Variants in P4HA3 observed in about 807,000 individuals in gnomAD.
The protein encoded by P4HA3 is prolyl 4-hydroxylase subunit alpha 3, also known as prolyl 4-hydroxylase subunit alpha-3.
A neutral mutation model predicts 66.7 loss-of-function variants in P4HA3; 60 were observed. The observed-to-expected ratio is 0.90, with a 90% CI of 0.73 to 1.12. P4HA3 has a LOEUF of 1.12. Among genes scored for constraint, P4HA3 ranks in the 50% most tolerant of loss-of-function variants. P4HA3 has a pLI of 0.00. For missense variants in P4HA3, 683 were observed against 685.8 expected, an observed-to-expected ratio of 1.00 and a Z score of 0.05; for synonymous variants, 263 against 274.6, an observed-to-expected ratio of 0.96 and a Z score of 0.42.
At position 74,311,630 on chromosome 11, in the gene P4HA3, TC is replaced by T. The variant is rs1861758854; in HGVS notation, c.-20del. 1 of 1,480,150 alleles carries T rather than the reference TC, an allele frequency of 6.8e-7. No individual in the cohort carries two copies. The highest frequency in any genetic ancestry group is 8.9e-7 in the Non-Finnish European group (1 of 1,126,328). 91.7% of individuals were successfully genotyped at this position (1,480,150 alleles called of 1,614,324 possible). On this transcript the variant is annotated 5_prime_UTR_variant, in exon 1 of 13. Coordinates refer to ENST00000331597, the MANE Select transcript of P4HA3 (RefSeq NM_182904.5). ...GACCCATAGCCAGCGCTCGCGAACT[TC>T]CCCTCAGACAGTCCTGGCCGCGCGG... is the stretch of plus-strand genomic sequence containing the variant.
Position 74,273,597 on chromosome 11 carries a change from C to T in P4HA3, c.1346G>A (p.Ser449Asn). The T allele has an allele frequency of 6.4e-7, 1 of 1,557,764 alleles. No individual in the cohort carries two copies. Among genetic ancestry groups the T allele is most frequent in the African/African-American group, 1.4e-5 (1 of 71,276 alleles). ...TCCTGACTTCATTCTGTAGAGGGGG[C>T]TGCTTGGTGACTGAGAAAAAAAAAA... ...PHFDHATSPS[S>N]PLYRMKSGNR... Residue 449 changes from serine (S) to asparagine (N), a missense_variant, in exon 10 of 13, where the codon AGC becomes AAC. Ser to Asn is a conservative substitution (Grantham distance 46). Coordinates refer to ENST00000331597, the MANE Select transcript of P4HA3 (RefSeq NM_182904.5).
At chr11:74,253,809 T>A (rs1039812072) in intron 15 of P4HA3, 19 of 530,280 alleles carry the variant, frequency 3.6e-5, no homozygotes, top group Non-Finnish European at 6.0e-5. Flanking sequence ...GCCTCCAGAT[T>A]TGCCATACTG....
intron 1 of P4HA3, among the ~76,000 whole-genome samples, chr11:74,309,506 A>G (rs1256263120): frequency 1.3e-5 from 2 of 152,204 alleles, no homozygotes; most frequent in African/African-American, 4.8e-5. Flanking sequence ...CATCTGAGCT[A>G]CCCAAAGAGA....
intron 8 of P4HA3, among the ~76,000 whole-genome samples, chr11:74,278,069 GA>G (rs1860462107): frequency 6.6e-6 from 1 of 152,162 alleles, no homozygotes; most frequent in African/African-American, 2.4e-5. Flanking sequence ...ATATAACTAA[GA>G]ACAAAGTAAG....
At chr11:74,310,836 G>C (rs555693700) in intron 1 of P4HA3, among the ~76,000 whole-genome samples, 1 of 152,320 alleles carries the variant, frequency 6.6e-6, no homozygotes, top group African/African-American at 2.4e-5. Context: ...ACTGTCACCT[G>C]ACTCCTAACA....
chr11:74,264,510 G>A (rs1226428406), downstream of P4HA3, among the ~76,000 whole-genome samples: 1 of 152,066 alleles, frequency 6.6e-6, no homozygotes, highest in Non-Finnish European at 1.5e-5. Context: ...CTCCACTCGT[G>A]GCCACATGGT....
At chr11:74,302,640 T>C in intron 2 of P4HA3, 48 bp from the exon 3 acceptor site, 1 of 1,537,560 alleles carries the variant, frequency 6.5e-7, no homozygotes, top group Non-Finnish European at 8.8e-7. Flanking sequence ...AAACAGGAGT[T>C]GGGCATTTAA....
At chr11:74,293,214 C>G (rs1327155140) in intron 4 of P4HA3, among the ~76,000 whole-genome samples, 1 of 151,900 alleles carries the variant, frequency 6.6e-6, no homozygotes, top group Admixed American at 6.6e-5. Flanking sequence ...CCTTCTTTGT[C>G]TCTTTTGATC....
downstream of P4HA3, among the ~76,000 whole-genome samples, chr11:74,262,138 T>C (rs1859916609): frequency 6.6e-6 from 1 of 152,150 alleles, no homozygotes; most frequent in Admixed American, 6.6e-5. Flanking sequence ...TGGGGCTCCA[T>C]CTGAGCGATG....
intron 7 of P4HA3, among the ~76,000 whole-genome samples, chr11:74,283,906 C>T (rs991206404): frequency 6.6e-6 from 1 of 152,218 alleles, no homozygotes; most frequent in Non-Finnish European, 1.5e-5. Context: ...TCTGCCCACA[C>T]CTCTATGATA....
intron 4 of P4HA3, among the ~76,000 whole-genome samples, chr11:74,293,623 C>A (rs1211702108): frequency 6.6e-6 from 1 of 152,290 alleles, no homozygotes; most frequent in East Asian, 1.9e-4. Flanking sequence ...CCTTCAGGAG[C>A]TCTTGTAGGG....
chr11:74,276,477 A>G (rs1165362677), intron 9 of P4HA3, among the ~76,000 whole-genome samples: 3 of 152,088 alleles, frequency 2.0e-5, no homozygotes, highest in African/African-American at 7.2e-5. Context: ...CACTTAGCCC[A>G]GGAGTTCAAG....
chr11:74,251,340 C>G, intron 15 of P4HA3: 1 of 1,356,040 alleles, frequency 7.4e-7, no homozygotes, highest in Non-Finnish European at 9.5e-7. Flanking sequence ...CTCCCTAAAC[C>G]ACAGGCACAG....
At chr11:74,280,977 A>T (rs1226804742) in intron 7 of P4HA3, among the ~76,000 whole-genome samples, 2 of 152,180 alleles carry the variant, frequency 1.3e-5, no homozygotes, top group African/African-American at 4.8e-5. Flanking sequence ...CAACCTACTC[A>T]TCTGACAAAG....
intron 9 of P4HA3, 95 bp downstream of exon 9, chr11:74,276,890 G>T: frequency 8.0e-7 from 1 of 1,256,112 alleles, no homozygotes; most frequent in Non-Finnish European, 1.1e-6. Context: ...ATTTCACTTA[G>T]TATTCCCTGA....
intron 1 of P4HA3, among the ~76,000 whole-genome samples, chr11:74,307,515 A>C (rs1438286743): frequency 1.3e-5 from 2 of 152,024 alleles, no homozygotes; most frequent in Non-Finnish European, 2.9e-5. Context: ...TAGATATGCC[A>C]TTTTTCTGTC....
chr11:74,310,923 T>C (rs1001354736), intron 1 of P4HA3, among the ~76,000 whole-genome samples: 4 of 152,114 alleles, frequency 2.6e-5, no homozygotes, highest in Admixed American at 2.6e-4. Context: ...AGCTAAAGCG[T>C]CACCGTATTC....
chr11:74,274,122 A>C (rs1009593918), intron 9 of P4HA3, among the ~76,000 whole-genome samples: 1 of 152,080 alleles, frequency 6.6e-6, no homozygotes, highest in Non-Finnish European at 1.5e-5. Flanking sequence ...GAACACTTCC[A>C]TCTGCTGAAA....
intron 10 of P4HA3, among the ~76,000 whole-genome samples, chr11:74,271,142 T>A (rs977177822): frequency 1.3e-5 from 2 of 152,134 alleles, no homozygotes; most frequent in South Asian, 2.1e-4. Flanking sequence ...GTATAGGAGG[T>A]AGGACGCTGG....
Sources: allele counts gnomAD v4.1 joint callset (sites outside exome capture counted in the v4.1 genomes callset), GRCh38; gene constraint gnomAD v4.1.1; transcripts MANE v1.5; gene names NCBI Gene and HGNC (gene_info 2026-07-23, HGNC 2026-07-21).